The following GRID2 variants were observed in gnomAD, a reference collection of about 807,000 sequenced individuals.
GRID2 encodes the protein glutamate ionotropic receptor delta type subunit 2.
Under a neutral mutation model 114.8 loss-of-function variants are expected in GRID2, and 33 were observed. The ratio of observed to expected loss-of-function variants is 0.29; its 90% confidence interval spans 0.22 to 0.38. The LOEUF is 0.38. Among genes scored for constraint, GRID2 ranks in the 10% least tolerant of loss-of-function variants. The pLI is 1.00. For synonymous variants in GRID2, 505 were observed against 449.9 expected, an observed-to-expected ratio of 1.12 and a Z score of -1.55; for missense variants, 1,184 against 1,257.7, an observed-to-expected ratio of 0.94 and a Z score of 0.89.
At chr4:92,672,259 C>T (rs1733110558) in intron 2 of GRID2, among the ~76,000 whole-genome samples, 2 of 152,070 alleles carry the variant, frequency 1.3e-5, no homozygotes, top group South Asian at 2.1e-4. Context: ...TTCTTCTGCT[C>T]AAGATTATTT....
chr4:93,352,794 AGTT>A (rs373034781), intron 8 of GRID2, among the ~76,000 whole-genome samples: 26 of 151,972 alleles, frequency 1.7e-4, no homozygotes, highest in Non-Finnish European at 2.4e-4. Flanking sequence ...TTGTAGTTGT[AGTT>A]GTTGTTGTTG....
At chr4:93,284,169 T>G (rs1752914953) in intron 8 of GRID2, among the ~76,000 whole-genome samples, 1 of 152,250 alleles carries the variant, frequency 6.6e-6, no homozygotes, top group East Asian at 1.9e-4. Flanking sequence ...AATATACCTA[T>G]ATAATGATAG....
intron 4 of GRID2, among the ~76,000 whole-genome samples, chr4:93,119,432 G>A (rs1309907544): frequency 6.6e-6 from 1 of 152,116 alleles, no homozygotes; most frequent in Non-Finnish European, 1.5e-5. Context: ...ATATAAATTA[G>A]ACATTTTGGC....
intron 1 of GRID2, among the ~76,000 whole-genome samples, chr4:92,478,430 A>G (rs1018288974): frequency 1.3e-5 from 2 of 152,152 alleles, no homozygotes; most frequent in African/African-American, 4.8e-5. Context: ...TTAGTTATGC[A>G]TCTTAATGAT....
At chr4:92,737,681 T>C (rs1170635476) in intron 2 of GRID2, among the ~76,000 whole-genome samples, 1 of 152,142 alleles carries the variant, frequency 6.6e-6, no homozygotes, top group African/African-American at 2.4e-5. Flanking sequence ...TGTTGAATTA[T>C]ATATGCCAAA....
At chr4:93,281,996 A>G (rs1201763307) in intron 8 of GRID2, among the ~76,000 whole-genome samples, 1 of 152,088 alleles carries the variant, frequency 6.6e-6, no homozygotes, top group Non-Finnish European at 1.5e-5. Context: ...AAGTTGAATA[A>G]TAGAACAAAA....
rs754149861 is a variant in GRID2 at position 93,455,918 on chromosome 4, C to T, written c.1802C>T (p.Thr601Met). ...NPPRLQMGSM[T>M]STTLYNSMWF... is the part of the protein sequence containing the mutation. ...CCACGATTACAAATGGGATCAATGA[C>T]GTCTACTACTCTCTACAACTCCATG... is the stretch of plus-strand genomic sequence containing the variant. The change falls in exon 11 of 16, where the codon ACG becomes ATG. Residue 601 changes from threonine (T) to methionine (M), a missense_variant. Coordinates refer to ENST00000282020, the MANE Select transcript of GRID2 (RefSeq NM_001510.4). 1.7e-5 allele frequency: 27 copies of T among 1,610,942 alleles called. No individual in the cohort carries two copies. Among genetic ancestry groups the T allele is most frequent in the Admixed American group, 3.3e-5 (2 of 59,966 alleles).
chr4:93,164,139 G>A (rs1369957846), intron 4 of GRID2, among the ~76,000 whole-genome samples: 5 of 150,870 alleles, frequency 3.3e-5, no homozygotes, highest in Admixed American at 1.3e-4. Context: ...TGTGACAGGC[G>A]AAAAACCAAG....
chr4:93,262,832 A>AT, intron 8 of GRID2, among the ~76,000 whole-genome samples: 1 of 151,844 alleles, frequency 6.6e-6, no homozygotes, highest in Non-Finnish European at 1.5e-5. Flanking sequence ...ATTTCTAAAA[A>AT]AAATGAAATC....
At chr4:92,351,556 A>T (rs1266666237) in intron 1 of GRID2, among the ~76,000 whole-genome samples, 1 of 151,770 alleles carries the variant, frequency 6.6e-6, no homozygotes, top group East Asian at 1.9e-4. Context: ...ATAATAAATT[A>T]TTCTTAACTA....
At chr4:93,611,825 T>C (rs1740953988) in intron 13 of GRID2, among the ~76,000 whole-genome samples, 1 of 151,678 alleles carries the variant, frequency 6.6e-6, no homozygotes, top group Non-Finnish European at 1.5e-5. Context: ...TAGATGTCTA[T>C]TAGGTCCCCC....
intron 2 of GRID2, among the ~76,000 whole-genome samples, chr4:93,065,015 C>G (rs1404730169): frequency 6.6e-6 from 1 of 151,752 alleles, no homozygotes; most frequent in East Asian, 1.9e-4. Context: ...AGAAGAGTTA[C>G]TAAATAAGAT....
At chr4:93,252,925 A>G (rs1579435234) in intron 8 of GRID2, among the ~76,000 whole-genome samples, 1 of 152,106 alleles carries the variant, frequency 6.6e-6, no homozygotes, top group Non-Finnish European at 1.5e-5. Context: ...AATTCTGAAG[A>G]AACTTTATAG....
chr4:93,463,961 C>T (rs1008376142), intron 11 of GRID2, among the ~76,000 whole-genome samples: 5 of 151,984 alleles, frequency 3.3e-5, no homozygotes, highest in Non-Finnish European at 5.9e-5. Context: ...TGCACTCCAG[C>T]CTGGGCGACA....
chr4:93,136,572 A>G (rs1306673202), intron 4 of GRID2, among the ~76,000 whole-genome samples: 1 of 152,192 alleles, frequency 6.6e-6, no homozygotes, highest in Non-Finnish European at 1.5e-5. Context: ...CATATAGTGT[A>G]AATACTGACC....
At chr4:93,673,222 TA>T (rs1724580601) in intron 14 of GRID2, among the ~76,000 whole-genome samples, 1 of 152,154 alleles carries the variant, frequency 6.6e-6, no homozygotes, top group African/African-American at 2.4e-5. Context: ...AAATTGAGAC[TA>T]CCCCTTTTAT....
At chr4:92,578,841 C>T (rs6830091) in intron 1 of GRID2, among the ~76,000 whole-genome samples, 61,352 of 151,746 alleles carry the variant, frequency 0.4, 12,521 homozygotes, top group African/African-American at 0.48. Flanking sequence ...TAATGTAGTA[C>T]CAGATTACTT....
At chr4:92,509,593 A>G (rs183229944) in intron 1 of GRID2, among the ~76,000 whole-genome samples, 103 of 152,076 alleles carry the variant, frequency 6.8e-4, no homozygotes, top group African/African-American at 2.3e-3. Context: ...TATAGAGTGT[A>G]TTAGATTGTG....
rs551578166 is a variant in GRID2 at position 93,497,816 on chromosome 4, C to T, written c.1997+7039C>T. 5.8e-4 allele frequency among the ~76,000 whole-genome samples: 88 copies of T among 151,786 alleles called. No individual in the cohort carries two copies. The South Asian group carries it at 0.014, about 24-fold the overall frequency. ...CAGAATCATTTTAGCTATTTTAGTT[C>T]CTTTGTCTTTTTATTATAAATTATA... On this transcript the variant is annotated intron_variant, in intron 12 of 15. Transcript: ENST00000282020.
Sources: gnomAD v4.1 joint callset for allele counts (sites outside exome capture counted in the v4.1 genomes callset) on GRCh38, gnomAD v4.1.1 for gene constraint, MANE v1.5 for transcripts, NCBI Gene and HGNC (gene_info 2026-07-23, HGNC 2026-07-21) for gene names.